TRMT9B: variants seen among roughly 807,000 people sequenced by gnomAD.
TRMT9B encodes probable tRNA methyltransferase 9B.
TRMT9B carries 16 observed loss-of-function variants against 11.5 expected under a neutral mutation model. The ratio of observed to expected loss-of-function variants is 1.39; its 90% CI spans 0.94 to 2.11. The LOEUF is 2.11. Ranked by LOEUF, TRMT9B falls within the 30% of genes most tolerant of loss-of-function variation. The pLI is 0.00. For missense variants in TRMT9B, 941 were observed against 553.8 expected (o/e 1.70, Z -7.02); for synonymous variants, 274 against 192.4 (o/e 1.42, Z -3.51).
chr8:13,005,760 G>T (rs1234368607), intron 2 of TRMT9B, among the ~76,000 whole-genome samples: 3 of 152,186 alleles, frequency 2.0e-5, no homozygotes, highest in Non-Finnish European at 4.4e-5. Context: ...CAGAGACATG[G>T]CTGGAACCCA....
chr8:12,991,639 T>A (rs535716483), intron 2 of TRMT9B, among the ~76,000 whole-genome samples: 1 of 152,262 alleles, frequency 6.6e-6, no homozygotes, highest in African/African-American at 2.4e-5. Flanking sequence ...ATTGTACCTA[T>A]AATACAGACC....
chr8:12,988,736 G>T (rs10097879), intron 1 of TRMT9B, among the ~76,000 whole-genome samples: 3,686 of 152,264 alleles, frequency 0.024, 156 homozygotes, highest in African/African-American at 0.084. Context: ...ACATGGGGAT[G>T]ATGGGAACTA....
intron 1 of TRMT9B, among the ~76,000 whole-genome samples, chr8:12,963,399 C>T (rs1278797085): frequency 6.6e-6 from 1 of 152,174 alleles, no homozygotes; most frequent in South Asian, 2.1e-4. Context: ...CACCACTGCA[C>T]TCCAGCCTGG....
intron 3 of TRMT9B, among the ~76,000 whole-genome samples, chr8:13,009,423 T>A (rs1265360345): frequency 6.6e-6 from 1 of 152,152 alleles, no homozygotes; most frequent in Non-Finnish European, 1.5e-5. Flanking sequence ...AAAAGTATTT[T>A]AATAGGTAAC....
In TRMT9B at chr8:13,027,803, G is replaced by C. The variant is rs913804316; in HGVS notation, c.*5759G>C. On this transcript the variant is annotated 3_prime_UTR_variant, in exon 5 of 5. Transcript: ENST00000524591. ...ATGGGAAAACCACGGAAGTGGGAGG[G>C]AATCAAGAAGCATTAACAGACCCTC... is the stretch of plus-strand genomic sequence containing the variant. The C allele has an allele frequency of 7.3e-6, 1 of 137,268 alleles. No individual in the cohort carries two copies. The highest frequency in any genetic ancestry group is 3.4e-5 in the African/African-American group (1 of 29,372). The allele number at this position is 137,268 out of a possible 1,614,324, so 8.5% of individuals were successfully genotyped here. A position where few individuals can be genotyped will look rare whatever the true frequency, so the allele number is the denominator to read the frequency against.
At position 13,022,936 on chromosome 8, in the gene TRMT9B, T is replaced by G. The variant is rs1002337389; in HGVS notation, c.*892T>G. 1 of 166,342 alleles carries G rather than the reference T, an allele frequency of 6.0e-6. No individual in the cohort carries two copies. The highest frequency in any genetic ancestry group is 1.5e-5 in the Non-Finnish European group (1 of 68,078). The allele number at this position is 166,342 out of a possible 1,614,324, so 10.3% of individuals were successfully genotyped here. On this transcript the variant is annotated 3_prime_UTR_variant, in exon 5 of 5. Coordinates refer to ENST00000524591, the MANE Select transcript of TRMT9B (RefSeq NM_020844.3). ...AATTCAAGGCTGCAGTGAACTATGA[T>G]TGCATCACTGCACTGCAGCCTGGGC... is the stretch of plus-strand genomic sequence containing the variant.
At chr8:12,957,034 T>C (rs76394934) in intron 1 of TRMT9B, among the ~76,000 whole-genome samples, 1 of 152,202 alleles carries the variant, frequency 6.6e-6, no homozygotes, top group East Asian at 1.9e-4. Flanking sequence ...GTCCAGGGAG[T>C]GGATAACAAT....
intron 1 of TRMT9B, among the ~76,000 whole-genome samples, chr8:12,955,214 A>G (rs907143497): frequency 7.9e-5 from 12 of 152,156 alleles, no homozygotes; most frequent in African/African-American, 2.7e-4. Flanking sequence ...ACTCTTAGTA[A>G]TCAGTGTCCT....
intron 2 of TRMT9B, among the ~76,000 whole-genome samples, chr8:13,005,085 CAA>C (rs1223540759): frequency 4.5e-4 from 39 of 87,578 alleles, no homozygotes; most frequent in Admixed American, 3.7e-4. Context: ...GACTGCATCT[CAA>C]AAAAAAAAAA....
chr8:13,028,927 A>T lies in TRMT9B; in HGVS notation c.*6883A>T, dbSNP rs1470029634. ...GTTATTTACACAAAACGCTGGCAAT[A>T]CATTAAGGCTCACTAATGTGGACCT... On this transcript the variant is annotated 3_prime_UTR_variant, in exon 5 of 5. Coordinates refer to ENST00000524591, the MANE Select transcript of TRMT9B (RefSeq NM_020844.3). 1 of 167,020 alleles carries T rather than the reference A, an allele frequency of 6.0e-6. No individual in the cohort carries two copies. The highest frequency in any genetic ancestry group is 2.4e-5 in the African/African-American group (1 of 41,442). The allele number at this position is 167,020 out of a possible 1,614,324, so 10.3% of individuals were successfully genotyped here.
rs1327779499 is a variant in TRMT9B at position 13,028,480 on chromosome 8, C to T, written c.*6436C>T. Reference sequence around the variant, plus strand: ...GAGTCACTGCAGTTAAGCCAGTGTACCTTGATGTTGAATTCCCTGAAGAAG... The same window carrying T: ...GAGTCACTGCAGTTAAGCCAGTGTATCTTGATGTTGAATTCCCTGAAGAAG... On this transcript the variant is annotated 3_prime_UTR_variant, in exon 5 of 5. Transcript: ENST00000524591. The T allele has an allele frequency of 6.0e-6, 1 of 166,858 alleles. No homozygotes were observed. 10.3% of individuals were successfully genotyped at this position (166,858 alleles called of 1,614,324 possible). A position where few individuals can be genotyped will look rare whatever the true frequency, so the allele number is the denominator to read the frequency against.
chr8:12,966,273 T>A (rs1308085383), intron 1 of TRMT9B, among the ~76,000 whole-genome samples: 1 of 152,198 alleles, frequency 6.6e-6, no homozygotes, highest in Non-Finnish European at 1.5e-5. Context: ...ACCTTGTCTC[T>A]GTGCTCAGGG....
At chr8:12,995,416 CTGTT>C (rs1200040447) in intron 2 of TRMT9B, among the ~76,000 whole-genome samples, 24 of 152,166 alleles carry the variant, frequency 1.6e-4, no homozygotes, top group African/African-American at 5.3e-4. Context: ...TTTCTTCTCT[CTGTT>C]CTTTATACAT....
At chr8:12,957,701 G>A (rs1801495154) in intron 1 of TRMT9B, among the ~76,000 whole-genome samples, 1 of 152,168 alleles carries the variant, frequency 6.6e-6, no homozygotes, top group Admixed American at 6.5e-5. Context: ...GGTCACTCAA[G>A]ATTAAGGTGC....
At chr8:13,015,792 T>A (rs112156096) in intron 4 of TRMT9B, among the ~76,000 whole-genome samples, 224 of 152,230 alleles carry the variant, frequency 1.5e-3, no homozygotes, top group African/African-American at 4.7e-3. Flanking sequence ...TATTTTCAGT[T>A]TACATCTCAT....
intron 1 of TRMT9B, among the ~76,000 whole-genome samples, chr8:12,962,399 G>A (rs1056504309): frequency 1.3e-5 from 2 of 152,056 alleles, no homozygotes; most frequent in Non-Finnish European, 2.9e-5. Flanking sequence ...TTAAAATGTG[G>A]GCCTTTTAAA....
At chr8:12,984,119 C>A (rs1456061096) in intron 1 of TRMT9B, among the ~76,000 whole-genome samples, 2 of 152,144 alleles carry the variant, frequency 1.3e-5, no homozygotes, top group East Asian at 3.9e-4. Flanking sequence ...ACAAACTTTG[C>A]TTCATGCCCA....
At chr8:12,979,919 T>A (rs1407526040) in intron 1 of TRMT9B, among the ~76,000 whole-genome samples, 1 of 152,118 alleles carries the variant, frequency 6.6e-6, no homozygotes, top group Non-Finnish European at 1.5e-5. Context: ...ACCCTGATCG[T>A]CTGAGAAGGA....
In TRMT9B at chr8:13,016,223, G is replaced by A. The variant is rs940841813; in HGVS notation, c.328+3366G>A. On this transcript the variant is annotated intron_variant, in intron 4 of 4. Transcript: ENST00000524591. The stretch of plus-strand genomic sequence containing the variant: ...ATATTTATATATATAAAATATAAAT[G>A]TGAAATATATATTATATATAAAATA... Among the ~76,000 whole-genome samples the A allele has an allele frequency of 3.0e-4, 35 of 115,290 alleles. 8 individuals are homozygous for A. Among genetic ancestry groups the A allele is most frequent in the Admixed American group, 5.1e-4 (5 of 9,792 alleles). 75.6% of individuals were successfully genotyped at this position (115,290 alleles called of 152,430 possible).
Sources: gnomAD v4.1 joint callset for allele counts (sites outside exome capture counted in the v4.1 genomes callset) on GRCh38, gnomAD v4.1.1 for gene constraint, MANE v1.5 for transcripts, NCBI Gene and HGNC (gene_info 2026-07-23, HGNC 2026-07-21) for gene names.